Variants in ATP13A4 observed in about 807,000 individuals in gnomAD.
ATP13A4 encodes probable cation-transporting ATPase 13A4.
ATP13A4 carries 114 observed loss-of-function variants against 142.5 expected under a neutral mutation model. The observed-to-expected ratio is 0.80, with a 90% CI of 0.69 to 0.93. The LOEUF is 0.93. ATP13A4 is among the 40% of genes least tolerant of loss of function. The pLI is 0.00. For missense variants in ATP13A4, 1,392 were observed against 1,454.0 expected, an observed-to-expected ratio of 0.96 and a Z score of 0.69; for synonymous variants, 488 against 514.8, an observed-to-expected ratio of 0.95 and a Z score of 0.70.
At position 193,462,780 on chromosome 3, in the gene ATP13A4, A is replaced by C. The variant is rs534525803; in HGVS notation, c.1505T>G (p.Val502Gly). Reference protein sequence around the residue: ...TRDGLDLWGVVSCDRNGFQEV... With the variant: ...TRDGLDLWGVGSCDRNGFQEV... ...TACTCACCCATTCCTATCACAGGAC[A>C]CGACTCCCCAGAGGTCCAAGCCGTC... Residue 502 changes from valine (V) to glycine (G), a missense_variant, in exon 13 of 30, where the codon GTG becomes GGG. Coordinates refer to ENST00000342695, the MANE Select transcript of ATP13A4 (RefSeq NM_032279.4). 12 of 1,613,958 alleles carry C rather than the reference A, an allele frequency of 7.4e-6. No individual in the cohort carries two copies. Among genetic ancestry groups the C allele is most frequent in the Non-Finnish European group, 9.3e-6 (11 of 1,179,836 alleles).
rs541675625 is a variant in ATP13A4, at chr3:193,411,491, T to C, written c.3209-421A>G. Among the ~76,000 whole-genome samples, 23 of 152,318 alleles carry C rather than the reference T, an allele frequency of 1.5e-4. No individual in the cohort carries two copies. The East Asian group carries it at 3.7e-3, about 24-fold the overall frequency. ...TAGAGGTCAGTATTTAGCTGCTTCC[T>C]CATCCCAGGAAGAAGAAAAGCTAAA... On this transcript the variant is annotated intron_variant, in intron 27 of 29. Coordinates refer to ENST00000342695, the MANE Select transcript of ATP13A4 (RefSeq NM_032279.4).
intron 7 of ATP13A4, among the ~76,000 whole-genome samples, chr3:193,488,208 G>A (rs926541020): frequency 6.6e-6 from 1 of 152,174 alleles, no homozygotes; most frequent in African/African-American, 2.4e-5. Context: ...AGGTTGCAGT[G>A]AGCCAAGATC....
At chr3:193,530,154 A>G (rs1722236745) in intron 1 of ATP13A4, among the ~76,000 whole-genome samples, 1 of 152,134 alleles carries the variant, frequency 6.6e-6, no homozygotes, top group Non-Finnish European at 1.5e-5. Flanking sequence ...ATTCCTAGGG[A>G]AGCTTGCCCT....
intron 2 of ATP13A4, among the ~76,000 whole-genome samples, chr3:193,568,838 A>T (rs1724197459): frequency 6.6e-6 from 1 of 152,266 alleles, no homozygotes; most frequent in South Asian, 2.1e-4. Flanking sequence ...CATTTGAGCA[A>T]CAAAATAATA....
intron 2 of ATP13A4, among the ~76,000 whole-genome samples, chr3:193,574,763 T>C (rs893144538): frequency 3.3e-5 from 5 of 152,242 alleles, no homozygotes; most frequent in African/African-American, 1.2e-4. Context: ...AGTCTGATTC[T>C]GTAATGGGAC....
intron 8 of ATP13A4, among the ~76,000 whole-genome samples, chr3:193,476,776 A>G (rs1718987500): frequency 6.7e-6 from 1 of 150,324 alleles, no homozygotes; most frequent in Non-Finnish European, 1.5e-5. Flanking sequence ...GCCTGAGGAA[A>G]GAGAGAGAGA....
intron 2 of ATP13A4, among the ~76,000 whole-genome samples, chr3:193,508,989 G>GAAA (rs35561827): frequency 7.1e-6 from 1 of 140,420 alleles, no homozygotes; most frequent in Non-Finnish European, 1.6e-5. Flanking sequence ...GACTGTCCAG[G>GAAA]AAAAAAAAAA....
intron 25 of ATP13A4, 108 bp from the exon 26 acceptor site, chr3:193,414,858 T>C (rs1714973766): frequency 7.7e-6 from 8 of 1,041,742 alleles, no homozygotes; most frequent in Non-Finnish European, 1.0e-5. Flanking sequence ...ATGGACAAAC[T>C]GGAGTACATC....
At chr3:193,411,179 T>C in intron 27 of ATP13A4, 109 bp from the exon 28 acceptor site, 2 of 771,902 alleles carry the variant, frequency 2.6e-6, no homozygotes, top group Non-Finnish European at 2.3e-6. Context: ...ACTTGATTTC[T>C]ACATCCAAAT....
chr3:193,435,638 C>A lies in ATP13A4; in HGVS notation c.2769+10G>T. On this transcript the variant is annotated intron_variant, in intron 24 of 29. Coordinates refer to ENST00000342695, the MANE Select transcript of ATP13A4 (RefSeq NM_032279.4). ...TCACACTAACCAAGAGGCTAAGTCC[C>A]AAGTCATACCCAGTAGAGCAGCAGA... 1 of 1,607,998 alleles carries A rather than the reference C, an allele frequency of 6.2e-7. No homozygotes were observed. Among genetic ancestry groups the A allele is most frequent in the South Asian group, 1.1e-5 (1 of 90,944 alleles).
chr3:193,400,671 T>G lies in ATP13A4; in HGVS notation c.*1981A>C, dbSNP rs974363948. On this transcript the variant is annotated 3_prime_UTR_variant, in exon 30 of 30. Coordinates refer to ENST00000342695, the MANE Select transcript of ATP13A4 (RefSeq NM_032279.4). ...ATTACTGAATCTCAGCTTTCTCATC[T>G]GTATGGTGGAGATGATAAGCCCTTC... 2.0e-5 allele frequency among the ~76,000 whole-genome samples: 3 copies of G among 152,048 alleles called. No individual in the cohort carries two copies. Among genetic ancestry groups the G allele is most frequent in the Admixed American group, 6.6e-5 (1 of 15,254 alleles).
At chr3:193,489,640 G>A in intron 7 of ATP13A4, 90 bp downstream of exon 7, 1 of 1,383,510 alleles carries the variant, frequency 7.2e-7, no homozygotes, top group Non-Finnish European at 1.0e-6. Flanking sequence ...AGTAGGAAGT[G>A]ACTATTTCCT....
In ATP13A4 at chr3:193,402,689, C is replaced by T; in HGVS notation, c.3554G>A (p.Ser1185Asn). The change falls in exon 30 of 30, where the codon AGC (serine) becomes AAC (asparagine). Residue 1185 changes from serine to asparagine, a missense_variant. Ser to Asn is a conservative substitution (Grantham distance 46, BLOSUM62 1). Coordinates refer to ENST00000342695, the MANE Select transcript of ATP13A4 (RefSeq NM_032279.4). Reference protein sequence around the residue: ...MPECGRGVSYSNPVFESNEEQ... With the variant: ...MPECGRGVSYNNPVFESNEEQ... ...TTCATTGCTCTCAAATACTGGATTG[C>T]TGTAAGACACTCCTCTGCCACACTC... The T allele has an allele frequency of 8.4e-7, 1 of 1,186,026 alleles. No homozygotes were observed. The highest frequency in any genetic ancestry group is 1.3e-6 in the Non-Finnish European group (1 of 789,194). 73.5% of individuals were successfully genotyped at this position (1,186,026 alleles called of 1,614,324 possible). A position where few individuals can be genotyped will look rare whatever the true frequency, so the allele number is the denominator to read the frequency against.
chr3:193,487,271 A>G (rs752785326), intron 7 of ATP13A4, among the ~76,000 whole-genome samples: 2 of 152,156 alleles, frequency 1.3e-5, no homozygotes, highest in African/African-American at 2.4e-5. Context: ...GGGGACCATA[A>G]CATTAGTAAG....
At chr3:193,510,146 G>A (rs1721067625) in intron 2 of ATP13A4, among the ~76,000 whole-genome samples, 1 of 152,194 alleles carries the variant, frequency 6.6e-6, no homozygotes, top group African/African-American at 2.4e-5. Flanking sequence ...GGAGCGGGGA[G>A]GAGAGGAGGT....
intron 3 of ATP13A4, among the ~76,000 whole-genome samples, chr3:193,493,602 C>T (rs754190052): frequency 2.6e-5 from 4 of 151,858 alleles, no homozygotes; most frequent in Non-Finnish European, 4.4e-5. Flanking sequence ...GTTACAGTGT[C>T]GAAGGATTGG....
chr3:193,582,870 G>A (rs1724592443), intron 1 of ATP13A4, among the ~76,000 whole-genome samples: 2 of 16,012 alleles, frequency 1.2e-4, no homozygotes, highest in Non-Finnish European at 1.8e-4. Flanking sequence ...AAATATATAT[G>A]TATATTACAT....
intron 1 of ATP13A4, among the ~76,000 whole-genome samples, chr3:193,584,612 T>C (rs1175272133): frequency 8.9e-6 from 1 of 112,750 alleles, no homozygotes; most frequent in East Asian, 2.3e-4. Flanking sequence ...TCACTTTTCT[T>C]CTATTTTTTT....
Position 193,435,737 on chromosome 3 carries a change from G to T in ATP13A4, c.2680C>A (p.Arg894Ser), listed in dbSNP as rs752627908. ...ECVPHLIKEG[R>S]AALVTSFCMF... ...CAAAAGGAGGTAACGAGAGCTGCAC[G>T]TCCTTCCCTGTGTAAGAAAAGAAAT... is the stretch of plus-strand genomic sequence containing the variant. The change falls in exon 24 of 30, where the codon CGT (arginine) becomes AGT (serine). Residue 894 changes from arginine to serine, a missense_variant. By Grantham distance (110) the Arg-to-Ser change is moderately radical. Coordinates refer to ENST00000342695, the MANE Select transcript of ATP13A4 (RefSeq NM_032279.4). 1.2e-6 allele frequency: 2 copies of T among 1,612,490 alleles called. No individual in the cohort carries two copies. Among genetic ancestry groups the T allele is most frequent in the African/African-American group, 2.7e-5 (2 of 74,860 alleles).
Sources: allele counts gnomAD v4.1 joint callset (sites outside exome capture counted in the v4.1 genomes callset), GRCh38; gene constraint gnomAD v4.1.1; transcripts MANE v1.5; gene names NCBI Gene and HGNC (gene_info 2026-07-23, HGNC 2026-07-21).